GALNT13: variants seen among roughly 807,000 people sequenced by gnomAD.
GALNT13 encodes UDP-GalNAc:polypeptide N-acetylgalactosaminyltransferase 13.
In GALNT13, 28 loss-of-function variants were observed where a neutral mutation model predicts 64.2. That is an observed-to-expected ratio of 0.44 (90% CI 0.32 to 0.60). The LOEUF (loss-of-function observed/expected upper bound fraction) is 0.60, where lower values mean the gene tolerates loss of function less well. GALNT13 is among the 20% of genes least tolerant of loss of function. The probability of loss-of-function intolerance (pLI) is 0.05; values close to 1 mark genes in which losing one functional copy is unlikely to be tolerated. For missense variants in GALNT13, 577 were observed against 669.8 expected (o/e 0.86, Z 1.53); for synonymous variants, 214 against 224.6 (o/e 0.95, Z 0.42).
At chr2:154,019,767 T>C (rs1339890322) in intron 3 of GALNT13, among the ~76,000 whole-genome samples, 9 of 152,066 alleles carry the variant, frequency 5.9e-5, no homozygotes, top group Non-Finnish European at 1.0e-4. Flanking sequence ...TTGTTACATA[T>C]GTATACATGT....
chr2:154,002,707 T>A (rs1431798708), intron 3 of GALNT13, among the ~76,000 whole-genome samples: 1 of 152,196 alleles, frequency 6.6e-6, no homozygotes, highest in Non-Finnish European at 1.5e-5. Context: ...TGATTTTCCC[T>A]TGTGTCTTCA....
chr2:154,372,980 A>C (rs1697785089), intron 9 of GALNT13, among the ~76,000 whole-genome samples: 3 of 152,158 alleles, frequency 2.0e-5, no homozygotes, highest in Admixed American at 1.3e-4. Context: ...AAGAATTCTT[A>C]GAACACTTTC....
the GALNT13 span, among the ~76,000 whole-genome samples, chr2:153,665,012 G>C: frequency 1.3e-5 from 2 of 152,196 alleles, no homozygotes; most frequent in African/African-American, 4.8e-5. Context: ...TGGTACCAGA[G>C]TATGGCAGTC....
At chr2:153,146,565 A>G in the GALNT13 span, among the ~76,000 whole-genome samples, 2 of 151,880 alleles carry the variant, frequency 1.3e-5, no homozygotes, top group South Asian at 2.1e-4. Context: ...TGCAGGGTAC[A>G]TTACAGAAAT....
the GALNT13 span, among the ~76,000 whole-genome samples, chr2:153,439,797 C>G: frequency 6.6e-6 from 1 of 152,116 alleles, no homozygotes; most frequent in Admixed American, 6.5e-5. Flanking sequence ...CCTGCTTCGG[C>G]TCACACATGG....
At chr2:153,529,417 T>C in the GALNT13 span, among the ~76,000 whole-genome samples, 1 of 133,748 alleles carries the variant, frequency 7.5e-6, no homozygotes, top group African/African-American at 2.5e-5. Flanking sequence ...AAAGACGTTA[T>C]AAAAAGTCTC....
At chr2:153,362,875 C>G in the GALNT13 span, among the ~76,000 whole-genome samples, 1 of 152,098 alleles carries the variant, frequency 6.6e-6, no homozygotes, top group African/African-American at 2.4e-5. Context: ...AGCTCTGGAT[C>G]AAGTCAACCT....
At chr2:154,025,247 C>T (rs764549920) in intron 3 of GALNT13, among the ~76,000 whole-genome samples, 9 of 152,194 alleles carry the variant, frequency 5.9e-5, no homozygotes, top group Non-Finnish European at 1.3e-4. Context: ...AATCACCCGT[C>T]TTCTGCGTCA....
the GALNT13 span, among the ~76,000 whole-genome samples, chr2:153,140,270 C>T: frequency 9.2e-5 from 14 of 151,932 alleles, no homozygotes; most frequent in African/African-American, 2.4e-4. Flanking sequence ...CCCATTCCCA[C>T]GAGAACCCGA....
the GALNT13 span, among the ~76,000 whole-genome samples, chr2:153,397,742 G>C: frequency 1.3e-5 from 2 of 152,008 alleles, no homozygotes; most frequent in South Asian, 4.2e-4. Flanking sequence ...CTGCTGGTTG[G>C]TATCCAGTGT....
chr2:153,126,197 A>G, the GALNT13 span, among the ~76,000 whole-genome samples: 1 of 151,550 alleles, frequency 6.6e-6, no homozygotes, highest in African/African-American at 2.4e-5. Context: ...GTAACTTGGA[A>G]CTCAACTAAA....
intron 3 of GALNT13, among the ~76,000 whole-genome samples, chr2:154,077,335 A>G (rs1349997289): frequency 6.6e-6 from 1 of 151,538 alleles, no homozygotes; most frequent in African/African-American, 2.4e-5. Flanking sequence ...CCTTTGGTTT[A>G]TGTCTAATCT....
the GALNT13 span, among the ~76,000 whole-genome samples, chr2:153,201,117 A>T: frequency 2.0e-5 from 3 of 152,204 alleles, no homozygotes; most frequent in Non-Finnish European, 4.4e-5. Flanking sequence ...AGACAGAATC[A>T]CACAACTCCA....
the GALNT13 span, among the ~76,000 whole-genome samples, chr2:153,260,165 A>G: frequency 6.6e-6 from 1 of 152,054 alleles, no homozygotes; most frequent in Admixed American, 6.6e-5. Context: ...TATATGGTCT[A>G]TGTCTTGAAA....
intron 8 of GALNT13, among the ~76,000 whole-genome samples, chr2:154,277,494 G>A (rs1208195447): frequency 2.0e-5 from 3 of 152,182 alleles, no homozygotes; most frequent in East Asian, 1.9e-4. Context: ...ACTACCAATC[G>A]TTTTACTGTT....
intron 4 of GALNT13, among the ~76,000 whole-genome samples, chr2:154,164,772 AG>A (rs1355425490): frequency 1.3e-5 from 2 of 152,138 alleles, no homozygotes; most frequent in African/African-American, 4.8e-5. Flanking sequence ...TTTGAATTTG[AG>A]CACACACATG....
chr2:153,841,598 G>C, the GALNT13 span, among the ~76,000 whole-genome samples: 3 of 152,048 alleles, frequency 2.0e-5, no homozygotes, highest in Admixed American at 6.6e-5. Context: ...CAGGATTTGA[G>C]CACATGTCTA....
chr2:153,655,402 G>C, the GALNT13 span, among the ~76,000 whole-genome samples: 1 of 152,030 alleles, frequency 6.6e-6, no homozygotes, highest in East Asian at 1.9e-4. Flanking sequence ...TAGTATCCCT[G>C]ACAACCACTT....
At chr2:154,403,280 G>T (rs147033706) in intron 10 of GALNT13, among the ~76,000 whole-genome samples, 6 of 151,994 alleles carry the variant, frequency 3.9e-5, no homozygotes, top group East Asian at 1.9e-4. Context: ...TGGTAAAACC[G>T]CATTTCTATT....
Sources: allele counts gnomAD v4.1 joint callset (sites outside exome capture counted in the v4.1 genomes callset), GRCh38; gene constraint gnomAD v4.1.1; transcripts MANE v1.5; gene names NCBI Gene and HGNC (gene_info 2026-07-23, HGNC 2026-07-21).